ARHGEF9: variants seen among roughly 807,000 people sequenced by gnomAD.
ARHGEF9 encodes the protein Cdc42 guanine nucleotide exchange factor 9.
Under a neutral mutation model 41.3 loss-of-function variants are expected in ARHGEF9, and 2 were observed. The ratio of observed to expected loss-of-function variants is 0.05; its 90% confidence interval spans 0.02 to 0.15. The LOEUF (loss-of-function observed/expected upper bound fraction) is 0.15, where lower values mean the gene tolerates loss of function less well. Among genes scored for constraint, ARHGEF9 ranks in the 10% least tolerant of loss-of-function variants. ARHGEF9 has a pLI of 1.00. For synonymous variants in ARHGEF9, 160 were observed against 154.4 expected (o/e 1.04, Z -0.27); for missense variants, 225 against 424.7 (o/e 0.53, Z 4.13).
intron 3 of ARHGEF9, among the ~76,000 whole-genome samples, chrX:63,703,782 C>A (rs1160465385): frequency 9.0e-6 from 1 of 111,210 alleles, no homozygotes; most frequent in African/African-American, 3.3e-5. Flanking sequence ...AGAGGCAGTG[C>A]AAGGTTACAG....
At chrX:63,704,433 C>T (rs1485140964) in intron 3 of ARHGEF9, among the ~76,000 whole-genome samples, 4 of 111,479 alleles carry the variant, frequency 3.6e-5, no homozygotes, top group African/African-American at 1.3e-4. Flanking sequence ...CCAGGCCTGG[C>T]ACAGAACAGA....
chrX:63,659,667 G>A (rs2049089450), intron 7 of ARHGEF9, among the ~76,000 whole-genome samples: 1 of 111,148 alleles, frequency 9.0e-6, no homozygotes, highest in African/African-American at 3.3e-5. Flanking sequence ...AGGTACATGG[G>A]GTTTGGACTG....
At chrX:63,731,725 A>G (rs142485096) in intron 1 of ARHGEF9, among the ~76,000 whole-genome samples, 1,110 of 109,902 alleles carry the variant, frequency 0.01, 9 homozygotes, top group African/African-American at 0.035. Flanking sequence ...ACACCTGGCT[A>G]ATTTTTTGTA....
At chrX:63,647,454 T>C (rs1259898386) in intron 8 of ARHGEF9, among the ~76,000 whole-genome samples, 1 of 111,916 alleles carries the variant, frequency 8.9e-6, no homozygotes. Context: ...TTGTTGAATT[T>C]TGTCAAAGGC....
chrX:63,729,798 G>A (rs1312330547), intron 1 of ARHGEF9, among the ~76,000 whole-genome samples: 1 of 112,018 alleles, frequency 8.9e-6, no homozygotes, highest in African/African-American at 3.2e-5. Context: ...ACAAGTGAGT[G>A]GGACACATAG....
At chrX:63,724,834 G>A (rs781797548) in intron 1 of ARHGEF9, 123 bp from the exon 2 acceptor site, 1 of 675,062 alleles carries the variant, frequency 1.5e-6, no homozygotes, top group East Asian at 3.4e-5. Flanking sequence ...AGATAGGGGT[G>A]AGGGGGATGG....
At chrX:63,695,799 G>C (rs1351431989) in intron 4 of ARHGEF9, among the ~76,000 whole-genome samples, 1 of 111,757 alleles carries the variant, frequency 8.9e-6, no homozygotes, top group Non-Finnish European at 1.9e-5. Flanking sequence ...CCTTCTGGGA[G>C]TCTGTAATTT....
intron 1 of ARHGEF9, among the ~76,000 whole-genome samples, chrX:63,782,035 T>A (rs1602761970): frequency 8.9e-6 from 1 of 111,963 alleles, no homozygotes; most frequent in African/African-American, 3.2e-5. Context: ...CAACTTCCCA[T>A]GTGTCTCTAT....
intron 1 of ARHGEF9, chrX:63,727,723 G>A (rs1467208564): frequency 8.9e-6 from 1 of 111,773 alleles, no homozygotes; most frequent in African/African-American, 3.3e-5. Context: ...AGCTAATAAA[G>A]AGCGCTATTA....
intron 1 of ARHGEF9, among the ~76,000 whole-genome samples, chrX:63,740,551 G>A (rs1418140091): frequency 7.1e-5 from 8 of 112,347 alleles, no homozygotes; most frequent in African/African-American, 2.3e-4. Context: ...ACAGCAGAGG[G>A]GAACGTGACT....
rs1258461744 is a variant in ARHGEF9 at position 63,637,878 on chromosome X, G to GTC, written c.*149_*150insGA. ...TGTGTGTGTGTGTGTGTGTGTGTGTGTGTCTGTGTGTGTGTGTGTGTATGT... is the reference window on the plus strand; with the variant it reads ...TGTGTGTGTGTGTGTGTGTGTGTGTGTCTGTCTGTGTGTGTGTGTGTGTATGT... On this transcript the variant is annotated 3_prime_UTR_variant, in exon 10 of 10. Transcript: ENST00000671741. The GTC allele has an allele frequency of 4.9e-6, 2 of 409,068 alleles. No homozygotes were observed. The highest frequency in any genetic ancestry group is 4.0e-5 in the East Asian group (1 of 24,729). The allele number at this position is 409,068 out of a possible 1,213,427, so 33.7% of individuals were successfully genotyped here. A position where few individuals can be genotyped will look rare whatever the true frequency, so the allele number is the denominator to read the frequency against.
rs1556344810 is a variant in ARHGEF9, at chrX:63,664,067, G to A, written c.1077+1819C>T. 2.7e-5 allele frequency among the ~76,000 whole-genome samples: 3 copies of A among 111,908 alleles called. No homozygotes were observed. In the South Asian group the frequency reaches 1.1e-3, roughly 43 times the overall value. ...CTATGACTGCTTCGAGGTTTCTCTT[G>A]TTTTCACCATCCCTGTTATATGCTT... On this transcript the variant is annotated intron_variant, in intron 7 of 9. Transcript: ENST00000671741.
intron 1 of ARHGEF9, among the ~76,000 whole-genome samples, chrX:63,783,363 C>A (rs1602764695): frequency 9.2e-6 from 1 of 108,790 alleles, no homozygotes; most frequent in African/African-American, 3.4e-5. Flanking sequence ...CAACCTCCCC[C>A]TCCTGGGTTC....
intron 8 of ARHGEF9, among the ~76,000 whole-genome samples, chrX:63,650,974 C>T (rs1242818250): frequency 9.1e-6 from 1 of 109,597 alleles, no homozygotes; most frequent in Admixed American, 9.8e-5. Context: ...GAACAATTTC[C>T]CAGAAAAATA....
intron 8 of ARHGEF9, among the ~76,000 whole-genome samples, chrX:63,654,598 A>G (rs2070373679): frequency 8.9e-6 from 1 of 111,782 alleles, no homozygotes; most frequent in Admixed American, 9.5e-5. Flanking sequence ...GATAATTTCA[A>G]TCGCCCACAT....
chrX:63,654,351 C>T (rs1270607860), intron 8 of ARHGEF9, among the ~76,000 whole-genome samples: 2 of 111,521 alleles, frequency 1.8e-5, no homozygotes, highest in Admixed American at 1.9e-4. Context: ...TAAGACCATT[C>T]CTTTAATAAC....
At chrX:63,769,285 A>C (rs1289307106) in intron 1 of ARHGEF9, among the ~76,000 whole-genome samples, 1 of 111,002 alleles carries the variant, frequency 9.0e-6, no homozygotes, top group African/African-American at 3.3e-5. Flanking sequence ...TTGTGAAACT[A>C]AACTTAAAAA....
At chrX:63,684,527 T>A (rs2050858331) in intron 4 of ARHGEF9, among the ~76,000 whole-genome samples, 2 of 110,957 alleles carry the variant, frequency 1.8e-5, no homozygotes, top group Admixed American at 1.9e-4. Flanking sequence ...CTCTTTTGAG[T>A]ATATGCCCAA....
chrX:63,784,730 C>A (rs1423555519), intron 1 of ARHGEF9, among the ~76,000 whole-genome samples: 1 of 110,943 alleles, frequency 9.0e-6, no homozygotes, highest in Non-Finnish European at 1.9e-5. Context: ...CGTCCCCTCC[C>A]CCCACAACCC....
Sources: gnomAD v4.1 joint callset for allele counts (sites outside exome capture counted in the v4.1 genomes callset) on GRCh38, gnomAD v4.1.1 for gene constraint, MANE v1.5 for transcripts, NCBI Gene and HGNC (gene_info 2026-07-23, HGNC 2026-07-21) for gene names.